CRIM1: variants seen among roughly 807,000 people sequenced by gnomAD.
CRIM1 encodes the protein cysteine-rich motor neuron 1 protein.
In CRIM1, 32 loss-of-function variants were observed where a neutral mutation model predicts 116.4. That is an observed-to-expected ratio of 0.27 (90% confidence interval 0.21 to 0.37). The LOEUF is 0.37. Ranked by LOEUF, CRIM1 falls within the 10% of genes least tolerant of loss-of-function variation. The pLI is 1.00. For missense variants in CRIM1, 1,331 were observed against 1,354.8 expected, an observed-to-expected ratio of 0.98 and a Z score of 0.28; for synonymous variants, 590 against 509.2, an observed-to-expected ratio of 1.16 and a Z score of -2.13.
At chr2:36,417,658 G>T (rs2124840533) in intron 2 of CRIM1, among the ~76,000 whole-genome samples, 1 of 152,224 alleles carries the variant, frequency 6.6e-6, no homozygotes, top group Non-Finnish European at 1.5e-5. Flanking sequence ...AGAATAAATT[G>T]GTGTCAGTTA....
At chr2:36,400,238 A>G (rs565121234) in intron 2 of CRIM1, among the ~76,000 whole-genome samples, 8 of 152,218 alleles carry the variant, frequency 5.3e-5, no homozygotes, top group Non-Finnish European at 1.2e-4. Context: ...ATGGAGTGAG[A>G]TAGCTAAGGA....
intron 2 of CRIM1, among the ~76,000 whole-genome samples, chr2:36,430,429 G>A (rs1465393285): frequency 6.6e-6 from 1 of 152,066 alleles, no homozygotes. Context: ...TCATTTCTGG[G>A]AAAAAAATAC....
intron 4 of CRIM1, among the ~76,000 whole-genome samples, chr2:36,449,867 T>C (rs551288126): frequency 1.8e-3 from 197 of 108,698 alleles, no homozygotes; most frequent in Admixed American, 2.1e-3. Context: ...CTTTAAACTT[T>C]CTTAAAAAAA....
chr2:36,448,514 T>C (rs748305878), intron 4 of CRIM1, among the ~76,000 whole-genome samples: 1 of 152,240 alleles, frequency 6.6e-6, no homozygotes, highest in Non-Finnish European at 1.5e-5. Flanking sequence ...GTGTTTCAGA[T>C]ACAGGCTTAC....
chr2:36,439,673 CTT>C (rs957220428), intron 2 of CRIM1, among the ~76,000 whole-genome samples: 2 of 152,158 alleles, frequency 1.3e-5, no homozygotes, highest in Non-Finnish European at 1.5e-5. Flanking sequence ...TCCTTCAAGT[CTT>C]TGTTCAGCCG....
chr2:36,387,914 T>TATA (rs989138991), intron 1 of CRIM1, among the ~76,000 whole-genome samples: 4 of 152,182 alleles, frequency 2.6e-5, no homozygotes, highest in African/African-American at 9.6e-5. Context: ...TCTTTGGACT[T>TATA]ACTCTGTTGC....
At position 36,459,175 on chromosome 2, in the gene CRIM1, T is replaced by G. The variant is rs1202562613; in HGVS notation, c.870-5359T>G. 3.9e-5 allele frequency among the ~76,000 whole-genome samples: 6 copies of G among 152,124 alleles called. No individual in the cohort carries two copies. In the East Asian group the frequency reaches 9.6e-4, roughly 24 times the overall value. On this transcript the variant is annotated intron_variant, in intron 4 of 16. Transcript: ENST00000280527. ...GGCACAAAGTTCTTGGAAAGTGGAT[T>G]GCAAATTCCCATCAGCAGACTCTCC... is the stretch of plus-strand genomic sequence containing the variant.
In CRIM1 at chr2:36,370,538, T is replaced by G. The variant is rs556139912; in HGVS notation, c.331+13915T>G. On this transcript the variant is annotated intron_variant, in intron 1 of 16. Transcript: ENST00000280527. ...GGAAAACTTGAGGGAGATAAAGTATTTACATGCTTTAATAACATAAAGCAT... is the reference window on the plus strand; with the variant it reads ...GGAAAACTTGAGGGAGATAAAGTATGTACATGCTTTAATAACATAAAGCAT... Among the ~76,000 whole-genome samples, 5 of 152,336 alleles carry G rather than the reference T, an allele frequency of 3.3e-5. No homozygotes were observed. The East Asian group carries it at 5.8e-4, about 18-fold the overall frequency.
At chr2:36,502,273 TTGGCAAATAGTCAC>T (rs915548612) in intron 8 of CRIM1, among the ~76,000 whole-genome samples, 28 of 152,288 alleles carry the variant, frequency 1.8e-4, no homozygotes, top group African/African-American at 6.5e-4. Flanking sequence ...AATATGTCCC[TTGGCAAATAGTCAC>T]TGGCAAATAG....
chr2:36,414,887 T>C (rs1461047133), intron 2 of CRIM1, among the ~76,000 whole-genome samples: 1 of 152,136 alleles, frequency 6.6e-6, no homozygotes, highest in African/African-American at 2.4e-5. Context: ...CTAAGTATAA[T>C]AGGAATCCAT....
At chr2:36,488,737 A>G (rs1355362824) in intron 7 of CRIM1, among the ~76,000 whole-genome samples, 2 of 152,198 alleles carry the variant, frequency 1.3e-5, no homozygotes, top group African/African-American at 4.8e-5. Flanking sequence ...TAGTTCAGGT[A>G]TATGGACCAT....
intron 1 of CRIM1, among the ~76,000 whole-genome samples, chr2:36,357,549 C>T (rs781563964): frequency 1.3e-5 from 2 of 152,144 alleles, no homozygotes; most frequent in Non-Finnish European, 2.9e-5. Context: ...TCCCTGCCCG[C>T]TTGCGTCGGC....
chr2:36,481,288 T>G (rs748737806), intron 7 of CRIM1, among the ~76,000 whole-genome samples: 2 of 152,178 alleles, frequency 1.3e-5, no homozygotes, highest in African/African-American at 4.8e-5. Flanking sequence ...CAGGTAGATA[T>G]ATATATAACT....
intron 14 of CRIM1, among the ~76,000 whole-genome samples, chr2:36,542,833 C>T (rs916343390): frequency 6.6e-6 from 1 of 152,144 alleles, no homozygotes; most frequent in Non-Finnish European, 1.5e-5. Flanking sequence ...TAAATACCAT[C>T]CCCCTGCACA....
intron 15 of CRIM1, among the ~76,000 whole-genome samples, chr2:36,546,763 ATTTTTTTTTTTTT>A (rs775086985): frequency 6.9e-5 from 7 of 101,848 alleles, no homozygotes; most frequent in Non-Finnish European, 7.6e-5. Context: ...TCTCACTCTG[ATTTTTTTTTTTTT>A]TTTTTTTTTT....
At chr2:36,523,867 T>C (rs979008354) in intron 13 of CRIM1, among the ~76,000 whole-genome samples, 2 of 152,188 alleles carry the variant, frequency 1.3e-5, no homozygotes, top group Non-Finnish European at 2.9e-5. Context: ...TTCTGGCCAC[T>C]AGACAGGGCC....
At chr2:36,548,151 TC>T (rs1466242289) in intron 16 of CRIM1, among the ~76,000 whole-genome samples, 1 of 152,198 alleles carries the variant, frequency 6.6e-6, no homozygotes. Context: ...TGTTGTACAG[TC>T]TGAGTGGTTA....
At chr2:36,487,400 G>T (rs1679902157) in intron 7 of CRIM1, among the ~76,000 whole-genome samples, 1 of 152,090 alleles carries the variant, frequency 6.6e-6, no homozygotes, top group African/African-American at 2.4e-5. Flanking sequence ...TTACTCCAGG[G>T]ATACAGTCAT....
At chr2:36,445,713 C>T (rs139336710) in intron 4 of CRIM1, among the ~76,000 whole-genome samples, 1 of 151,780 alleles carries the variant, frequency 6.6e-6, no homozygotes, top group East Asian at 1.9e-4. Context: ...TTCCTGCTTA[C>T]TAAGGAGGGT....
Sources: gnomAD v4.1 joint callset for allele counts (sites outside exome capture counted in the v4.1 genomes callset) on GRCh38, gnomAD v4.1.1 for gene constraint, MANE v1.5 for transcripts, NCBI Gene and HGNC (gene_info 2026-07-23, HGNC 2026-07-21) for gene names.